Variants in PTPRD observed in about 807,000 individuals in gnomAD.
PTPRD encodes the protein receptor-type tyrosine-protein phosphatase delta.
PTPRD carries 34 observed loss-of-function variants against 214.5 expected under a neutral mutation model. That is an observed-to-expected ratio of 0.16 (90% CI 0.12 to 0.21). The LOEUF is 0.21. Among genes scored for constraint, PTPRD ranks in the 10% least tolerant of loss-of-function variants. The probability of loss-of-function intolerance (pLI) is 1.00; values close to 1 mark genes in which losing one functional copy is unlikely to be tolerated. For missense variants in PTPRD, 2,545 were observed against 2,398.7 expected (o/e 1.06, Z -1.27); for synonymous variants, 1,128 against 845.7 (o/e 1.33, Z -5.79).
chr9:8,375,604 A>T (rs1248367449), intron 39 of PTPRD, among the ~76,000 whole-genome samples: 1 of 152,050 alleles, frequency 6.6e-6, no homozygotes, highest in Non-Finnish European at 1.5e-5. Flanking sequence ...GTCAAACAAT[A>T]CAAATTTGTT....
intron 3 of PTPRD, among the ~76,000 whole-genome samples, chr9:10,155,829 C>T (rs2099089211): frequency 2.0e-5 from 3 of 151,992 alleles, no homozygotes; most frequent in Admixed American, 1.3e-4. Context: ...TTTTAATGTG[C>T]TGCTGGACTT....
At chr9:10,419,122 G>A (rs1368743867) in intron 2 of PTPRD, among the ~76,000 whole-genome samples, 1 of 151,760 alleles carries the variant, frequency 6.6e-6, no homozygotes, top group Non-Finnish European at 1.5e-5. Context: ...TTTGTTTGAG[G>A]ACAAAACTTC....
intron 45 of PTPRD, among the ~76,000 whole-genome samples, chr9:8,319,109 T>C (rs756695220): frequency 6.6e-6 from 1 of 152,108 alleles, no homozygotes; most frequent in Non-Finnish European, 1.5e-5. Context: ...TTTTGACTAT[T>C]GCAAGCCAAA....
chr9:8,527,032 T>C (rs973739044), intron 16 of PTPRD, among the ~76,000 whole-genome samples: 1 of 151,864 alleles, frequency 6.6e-6, no homozygotes, highest in African/African-American at 2.4e-5. Context: ...AGTATATATA[T>C]AGATATGCAT....
intron 14 of PTPRD, among the ~76,000 whole-genome samples, chr9:8,529,961 G>A (rs1465483825): frequency 2.6e-5 from 4 of 151,822 alleles, no homozygotes; most frequent in African/African-American, 7.3e-5. Flanking sequence ...ACCCCCTCAC[G>A]GCCACTGATA....
intron 9 of PTPRD, among the ~76,000 whole-genome samples, chr9:9,374,892 T>G (rs2060387852): frequency 6.6e-6 from 1 of 152,204 alleles, no homozygotes; most frequent in African/African-American, 2.4e-5. Flanking sequence ...ATATCCTACC[T>G]GCTTATCAAT....
In PTPRD at chr9:8,316,626, A is replaced by ATTT; in HGVS notation, c.*1245_*1247dup. Reference sequence around the variant, plus strand: ...CACACCTCTTAGCTATTTAATAATAATTTTTATTGCACTAGAGTGTTAGAA... The same window carrying ATTT: ...CACACCTCTTAGCTATTTAATAATAATTTTTTTTATTGCACTAGAGTGTTAGAA... On this transcript the variant is annotated 3_prime_UTR_variant, in exon 46 of 46. Transcript: ENST00000381196. 1 of 230,782 alleles carries ATTT rather than the reference A, an allele frequency of 4.3e-6. No individual in the cohort carries two copies. 14.3% of individuals were successfully genotyped at this position (230,782 alleles called of 1,614,324 possible).
chr9:9,144,355 G>A (rs2099865003), intron 10 of PTPRD, among the ~76,000 whole-genome samples: 1 of 152,164 alleles, frequency 6.6e-6, no homozygotes, highest in Non-Finnish European at 1.5e-5. Context: ...CTGCTGACAT[G>A]TACTAAAGAG....
chr9:10,115,364 C>T (rs1042276382), intron 3 of PTPRD, among the ~76,000 whole-genome samples: 2 of 152,040 alleles, frequency 1.3e-5, no homozygotes, highest in Admixed American at 1.3e-4. Flanking sequence ...CATTCTGGCA[C>T]ATTCTGAGAG....
intron 14 of PTPRD, among the ~76,000 whole-genome samples, chr9:8,626,930 TTC>T (rs902435407): frequency 6.6e-6 from 1 of 150,590 alleles, no homozygotes; most frequent in Non-Finnish European, 1.5e-5. Flanking sequence ...TCTGTTGGGG[TTC>T]TCTTTCTCCA....
chr9:9,824,252 C>A (rs1265180653), intron 5 of PTPRD, among the ~76,000 whole-genome samples: 2 of 151,884 alleles, frequency 1.3e-5, no homozygotes, highest in Admixed American at 1.3e-4. Flanking sequence ...ACTCAACCTG[C>A]ATCTTTATTT....
intron 2 of PTPRD, among the ~76,000 whole-genome samples, chr9:10,382,781 C>T (rs1214803717): frequency 6.6e-6 from 1 of 151,804 alleles, no homozygotes; most frequent in Non-Finnish European, 1.5e-5. Flanking sequence ...AATATAACGG[C>T]ATTTGTCAAG....
intron 7 of PTPRD, among the ~76,000 whole-genome samples, chr9:9,699,660 C>T (rs2097453348): frequency 6.6e-6 from 1 of 152,144 alleles, no homozygotes; most frequent in Non-Finnish European, 1.5e-5. Context: ...GTGCCTTGGT[C>T]ACAACAGCAG....
At chr9:9,966,961 C>G (rs1411088481) in intron 4 of PTPRD, among the ~76,000 whole-genome samples, 1 of 152,102 alleles carries the variant, frequency 6.6e-6, no homozygotes, top group Non-Finnish European at 1.5e-5. Context: ...TCCCATTTGA[C>G]AGAAGTAGCA....
intron 3 of PTPRD, among the ~76,000 whole-genome samples, chr9:10,316,727 A>G (rs1356972742): frequency 1.3e-5 from 2 of 152,076 alleles, no homozygotes; most frequent in East Asian, 3.9e-4. Flanking sequence ...AGCAACTGCT[A>G]TCAGATATTA....
At chr9:10,175,193 C>T (rs1465258476) in intron 3 of PTPRD, among the ~76,000 whole-genome samples, 2 of 152,062 alleles carry the variant, frequency 1.3e-5, no homozygotes, top group Non-Finnish European at 2.9e-5. Context: ...CTGCTACTTA[C>T]TAGCTCTCTT....
At chr9:10,602,260 T>C (rs764021959) in intron 2 of PTPRD, among the ~76,000 whole-genome samples, 2 of 151,870 alleles carry the variant, frequency 1.3e-5, no homozygotes, top group Non-Finnish European at 2.9e-5. Context: ...TTTCATTCAA[T>C]TTTTAAAATT....
At chr9:8,414,557 G>C (rs1383932292) in intron 35 of PTPRD, among the ~76,000 whole-genome samples, 1 of 152,094 alleles carries the variant, frequency 6.6e-6, no homozygotes, top group African/African-American at 2.4e-5. Context: ...GGAGTTATAG[G>C]GAGAATGGAA....
At chr9:10,502,940 G>T (rs373148563) in intron 2 of PTPRD, among the ~76,000 whole-genome samples, 1 of 151,942 alleles carries the variant, frequency 6.6e-6, no homozygotes, top group Admixed American at 6.6e-5. Flanking sequence ...GAAAGCCATA[G>T]ATTCAGTATC....
Sources: gnomAD v4.1 joint callset for allele counts (sites outside exome capture counted in the v4.1 genomes callset) on GRCh38, gnomAD v4.1.1 for gene constraint, MANE v1.5 for transcripts, NCBI Gene and HGNC (gene_info 2026-07-23, HGNC 2026-07-21) for gene names.